The following RGS6 variants were observed in gnomAD, a reference collection of about 807,000 sequenced individuals.
RGS6 encodes the protein regulator of G protein signaling 6, also known as regulator of G-protein signaling 6.
In RGS6, 30 loss-of-function variants were observed where a neutral mutation model predicts 78.5. That is an observed-to-expected ratio of 0.38 (90% confidence interval 0.29 to 0.52). RGS6 has a LOEUF of 0.52. RGS6 is among the 20% of genes least tolerant of loss of function. The probability of loss-of-function intolerance (pLI) is 0.85; values close to 1 mark genes in which losing one functional copy is unlikely to be tolerated. For synonymous variants in RGS6, 206 were observed against 206.0 expected, an observed-to-expected ratio of 1.00 and a Z score of 0.00; for missense variants, 495 against 609.7, an observed-to-expected ratio of 0.81 and a Z score of 1.98.
intron 3 of RGS6, among the ~76,000 whole-genome samples, chr14:72,386,517 G>C (rs369569954): frequency 2.6e-5 from 4 of 152,162 alleles, no homozygotes; most frequent in African/African-American, 9.7e-5. Flanking sequence ...CAGCCTGAGC[G>C]ACAGAGCGAG....
chr14:72,627,174 A>G, the RGS6 span, among the ~76,000 whole-genome samples: 2 of 152,054 alleles, frequency 1.3e-5, no homozygotes, highest in African/African-American at 4.8e-5. Context: ...ATATACCAAC[A>G]TTTTATTTAA....
At chr14:72,150,661 G>T (rs1024882726) in intron 2 of RGS6, among the ~76,000 whole-genome samples, 2 of 151,976 alleles carry the variant, frequency 1.3e-5, no homozygotes, top group African/African-American at 4.8e-5. Context: ...AGAAATTGCT[G>T]CGAGGTGCTA....
intron 2 of RGS6, among the ~76,000 whole-genome samples, chr14:72,050,245 C>T (rs2093144699): frequency 6.6e-6 from 1 of 152,200 alleles, no homozygotes; most frequent in Non-Finnish European, 1.5e-5. Context: ...CGGACTATAT[C>T]TCCTTTAACT....
At chr14:71,881,763 G>A in the RGS6 span, among the ~76,000 whole-genome samples, 1 of 152,132 alleles carries the variant, frequency 6.6e-6, no homozygotes, top group Admixed American at 6.5e-5. Context: ...TTAGTGTGGA[G>A]GCTGACACAA....
chr14:72,144,659 A>G (rs2096583935), intron 2 of RGS6, among the ~76,000 whole-genome samples: 1 of 152,250 alleles, frequency 6.6e-6, no homozygotes, highest in Non-Finnish European at 1.5e-5. Flanking sequence ...CTATGTAGCT[A>G]CAAGCTGGGA....
intron 2 of RGS6, among the ~76,000 whole-genome samples, chr14:72,333,059 C>T (rs182766072): frequency 6.6e-5 from 10 of 152,278 alleles, no homozygotes; most frequent in Admixed American, 2.6e-4. Context: ...GCATTTCACA[C>T]GCATAATCTC....
intron 2 of RGS6, among the ~76,000 whole-genome samples, chr14:72,097,936 G>GTA (rs1345141631): frequency 6.6e-6 from 1 of 152,208 alleles, no homozygotes; most frequent in Non-Finnish European, 1.5e-5. Context: ...AAGCGGGAAT[G>GTA]TATAGTCAAC....
the RGS6 span, among the ~76,000 whole-genome samples, chr14:71,868,679 C>T: frequency 6.6e-6 from 1 of 152,182 alleles, no homozygotes; most frequent in Non-Finnish European, 1.5e-5. Flanking sequence ...TCAGTCTCAC[C>T]TGTCCTTGGG....
At chr14:72,176,552 T>C (rs921604599) in intron 2 of RGS6, among the ~76,000 whole-genome samples, 3 of 152,302 alleles carry the variant, frequency 2.0e-5, no homozygotes, top group Non-Finnish European at 4.4e-5. Context: ...TTTGCCCACA[T>C]ATAGGAGACA....
chr14:72,107,651 A>G (rs949717783), intron 2 of RGS6, among the ~76,000 whole-genome samples: 1 of 152,152 alleles, frequency 6.6e-6, no homozygotes, highest in Non-Finnish European at 1.5e-5. Context: ...TAGATGTTAT[A>G]TGTATTTAAA....
chr14:72,507,633 T>C (rs1408548805), intron 13 of RGS6, among the ~76,000 whole-genome samples: 3 of 152,202 alleles, frequency 2.0e-5, no homozygotes, highest in Non-Finnish European at 2.9e-5. Flanking sequence ...TCTCCCACTC[T>C]TGCCACCACC....
chr14:72,573,332 G>A, the RGS6 span, among the ~76,000 whole-genome samples: 413 of 152,280 alleles, frequency 2.7e-3, 3 homozygotes, highest in Non-Finnish European at 1.1e-3. Flanking sequence ...ATGGAGAGTG[G>A]GAAGACTTGG....
chr14:72,234,829 C>A (rs1414154049), intron 2 of RGS6, among the ~76,000 whole-genome samples: 1 of 152,126 alleles, frequency 6.6e-6, no homozygotes, highest in Non-Finnish European at 1.5e-5. Flanking sequence ...GGTATCTTTG[C>A]ATCTCACCAC....
intron 2 of RGS6, among the ~76,000 whole-genome samples, chr14:72,337,177 C>T (rs1464893363): frequency 3.9e-5 from 6 of 152,056 alleles, no homozygotes; most frequent in Non-Finnish European, 7.4e-5. Flanking sequence ...GAAAGTTTCC[C>T]ATGAGACTGT....
Position 72,352,704 on chromosome 14 carries a change from G to A in RGS6, c.184+510G>A, listed in dbSNP as rs1432552634. On this transcript the variant is annotated intron_variant, in intron 3 of 17. Transcript: ENST00000553525. ...ATTGTGAAATATATTAAAACACATG[G>A]GTAGTTCAAAAATAATAAAACACAG... 6.6e-5 allele frequency among the ~76,000 whole-genome samples: 10 copies of A among 151,922 alleles called. No homozygotes were observed. In the South Asian group the frequency reaches 1.7e-3, roughly 25 times the overall value.
chr14:72,561,110 G>A (rs745519996), intron 17 of RGS6, among the ~76,000 whole-genome samples: 10 of 152,074 alleles, frequency 6.6e-5, no homozygotes, highest in African/African-American at 1.4e-4. Flanking sequence ...AGATAAACCC[G>A]TTATCCATCA....
chr14:72,200,782 G>A (rs1459553436), intron 2 of RGS6, among the ~76,000 whole-genome samples: 1 of 151,902 alleles, frequency 6.6e-6, no homozygotes, highest in Non-Finnish European at 1.5e-5. Context: ...ACTTATTTAG[G>A]GAACAAACAC....
intron 2 of RGS6, among the ~76,000 whole-genome samples, chr14:72,192,313 G>C (rs928454550): frequency 6.6e-6 from 1 of 152,172 alleles, no homozygotes; most frequent in Non-Finnish European, 1.5e-5. Context: ...CGTTATCTCT[G>C]TTTATAGCTG....
the RGS6 span, chr14:72,629,877 C>T: frequency 3.4e-5 from 23 of 679,066 alleles, no homozygotes; most frequent in South Asian, 3.6e-4. Flanking sequence ...GGGACCCAAA[C>T]AGGGCCCTAC....
Sources: allele counts gnomAD v4.1 joint callset (sites outside exome capture counted in the v4.1 genomes callset), GRCh38; gene constraint gnomAD v4.1.1; transcripts MANE v1.5; gene names NCBI Gene and HGNC (gene_info 2026-07-23, HGNC 2026-07-21).